Variants in SPECC1L observed in about 807,000 individuals in gnomAD.
SPECC1L encodes the protein sperm antigen with calponin homology and coiled-coil domains 1 like, also known as cytospin-A.
Under a neutral mutation model 116.8 loss-of-function variants are expected in SPECC1L, and 40 were observed. The observed-to-expected ratio is 0.34, with a 90% CI of 0.27 to 0.45. The LOEUF (loss-of-function observed/expected upper bound fraction) is 0.45. Among genes scored for constraint, SPECC1L ranks in the 20% least tolerant of loss-of-function variants. The pLI, the probability that SPECC1L is intolerant of heterozygous loss-of-function variation, is 1.00. For missense variants in SPECC1L, 1,110 were observed against 1,373.6 expected (o/e 0.81, Z 3.03); for synonymous variants, 504 against 500.6 (o/e 1.01, Z -0.09).
chr22:24,377,006 G>A (rs1410499102), intron 14 of SPECC1L, among the ~76,000 whole-genome samples: 1 of 151,762 alleles, frequency 6.6e-6, no homozygotes, highest in Non-Finnish European at 1.5e-5. Context: ...ATACCCATTA[G>A]CATTCATTCT....
chr22:24,333,120 C>T (rs898748665), intron 8 of SPECC1L, among the ~76,000 whole-genome samples: 2 of 152,026 alleles, frequency 1.3e-5, no homozygotes, highest in African/African-American at 2.4e-5. Flanking sequence ...CCCAGCTACT[C>T]GGGAGACTGA....
At position 24,277,688 on chromosome 22, in the gene SPECC1L, G is replaced by A. The variant is rs998913821; in HGVS notation, c.-38+885G>A. On this transcript the variant is annotated intron_variant, in intron 2 of 16. Coordinates refer to ENST00000314328, the MANE Select transcript of SPECC1L (RefSeq NM_015330.6). ...CAAAATGTTATCAAGGTCTGTCCCT[G>A]TTGTAGCATGTATTAGCACTTCATT... 3.3e-5 allele frequency among the ~76,000 whole-genome samples: 5 copies of A among 152,202 alleles called. No individual in the cohort carries two copies. In the East Asian group the frequency reaches 9.6e-4, roughly 29 times the overall value.
Position 24,324,240 on chromosome 22 carries a change from C to T in SPECC1L, c.1959C>T (p.Ala653=), listed in dbSNP as rs200829994. Residue 653 remains alanine, a synonymous_variant, in exon 6 of 17, where the codon GCC becomes GCT. Transcript: ENST00000314328. ...CGTAGGTAGAGGATGAATACCGAGC[C>T]TTCCAAGAAGAAGCTAAGAAACAAA... ...AIAKVEDEYR[A]FQEEAKKQIE... The T allele has an allele frequency of 1.2e-6, 2 of 1,613,778 alleles. No individual in the cohort carries two copies. The highest frequency in any genetic ancestry group is 1.3e-5 in the African/African-American group (1 of 74,900).
At chr22:24,369,407 AATG>A (rs1380121488) in intron 14 of SPECC1L, 87 bp downstream of exon 14, 1 of 962,158 alleles carries the variant, frequency 1.0e-6, no homozygotes, top group Middle Eastern at 2.1e-4. Flanking sequence ...ACACATTAGA[AATG>A]ATAAGTCCTG....
At chr22:24,340,676 G>A (rs953345376) in intron 10 of SPECC1L, among the ~76,000 whole-genome samples, 6 of 152,112 alleles carry the variant, frequency 3.9e-5, no homozygotes, top group South Asian at 2.1e-4. Flanking sequence ...ATACTTATGA[G>A]CTACATTCAG....
intron 11 of SPECC1L, among the ~76,000 whole-genome samples, chr22:24,361,671 C>T (rs2041647136): frequency 6.6e-6 from 1 of 152,028 alleles, no homozygotes; most frequent in African/African-American, 2.4e-5. Flanking sequence ...TGGCTCACAC[C>T]TGTAGTCCCA....
rs989588080 is a variant in SPECC1L at position 24,329,019 on chromosome 22, C to T, written c.2220+100C>T. On this transcript the variant is annotated intron_variant, in intron 7 of 16. Coordinates refer to ENST00000314328, the MANE Select transcript of SPECC1L (RefSeq NM_015330.6). ...TATCATTCATCTTAAGTTTTGGATACAGTGATAATACTGGCCCCATTGGGC... is the reference window on the plus strand; with the variant it reads ...TATCATTCATCTTAAGTTTTGGATATAGTGATAATACTGGCCCCATTGGGC... 70 of 903,876 alleles carry T rather than the reference C, an allele frequency of 7.7e-5. 1 individual carries two copies. The highest frequency in any genetic ancestry group is 7.0e-5 in the South Asian group (5 of 71,774). 56.0% of individuals were successfully genotyped at this position (903,876 alleles called of 1,614,324 possible). A position where few individuals can be genotyped will look rare whatever the true frequency, so the allele number is the denominator to read the frequency against.
At chr22:24,272,010 G>A (rs2048736706) in intron 1 of SPECC1L, among the ~76,000 whole-genome samples, 1 of 152,222 alleles carries the variant, frequency 6.6e-6, no homozygotes, top group Non-Finnish European at 1.5e-5. Context: ...ATTTCTGGTG[G>A]CTTCAGGGAG....
intron 11 of SPECC1L, among the ~76,000 whole-genome samples, chr22:24,347,876 A>G (rs1163492756): frequency 1.3e-5 from 2 of 152,114 alleles, no homozygotes; most frequent in Non-Finnish European, 2.9e-5. Context: ...GGGTTTCACC[A>G]TGTTAGCCAT....
intron 4 of SPECC1L, among the ~76,000 whole-genome samples, chr22:24,313,778 A>C (rs2040505728): frequency 6.8e-6 from 1 of 146,294 alleles, no homozygotes; most frequent in Non-Finnish European, 1.5e-5. Context: ...AGTCTTAGTC[A>C]CGCAGGCTGA....
intron 11 of SPECC1L, among the ~76,000 whole-genome samples, chr22:24,356,209 G>A (rs1176961514): frequency 6.6e-6 from 1 of 151,824 alleles, no homozygotes; most frequent in African/African-American, 2.4e-5. Flanking sequence ...TTCAAGTCTG[G>A]GTCTTCTGTA....
chr22:24,395,218 A>C (rs952732410), intron 14 of SPECC1L, among the ~76,000 whole-genome samples: 1 of 152,248 alleles, frequency 6.6e-6, no homozygotes, highest in Non-Finnish European at 1.5e-5. Context: ...AAATGTTTGC[A>C]TAACCCAAGA....
intron 10 of SPECC1L, among the ~76,000 whole-genome samples, chr22:24,346,099 C>T (rs1027247428): frequency 5.9e-5 from 9 of 151,702 alleles, no homozygotes; most frequent in Admixed American, 2.0e-4. Flanking sequence ...CTCCGCCTCT[C>T]GGCTTCAAGT....
rs1451944688 is a variant in SPECC1L, at chr22:24,414,818, C to T, written c.*195C>T. The T allele has an allele frequency of 4.9e-6, 3 of 609,050 alleles. No individual in the cohort carries two copies. Among genetic ancestry groups the T allele is most frequent in the East Asian group, 5.7e-5 (2 of 35,222 alleles). The allele number at this position is 609,050 out of a possible 1,614,324, so 37.7% of individuals were successfully genotyped here. The stretch of plus-strand genomic sequence containing the variant: ...GCCCACAGCTCCCACCAGGGCCCCT[C>T]CCACATGACCCGTCCATTCAGGTCA... On this transcript the variant is annotated 3_prime_UTR_variant, in exon 17 of 17. Coordinates refer to ENST00000314328, the MANE Select transcript of SPECC1L (RefSeq NM_015330.6).
At chr22:24,306,086 T>C (rs1225080659) in intron 3 of SPECC1L, among the ~76,000 whole-genome samples, 29 of 152,160 alleles carry the variant, frequency 1.9e-4, no homozygotes, top group Admixed American at 1.9e-3. Flanking sequence ...TTTGTATTTT[T>C]AGTAGAGACG....
chr22:24,407,236 T>A (rs573020150), intron 14 of SPECC1L, among the ~76,000 whole-genome samples: 1 of 152,342 alleles, frequency 6.6e-6, no homozygotes, highest in African/African-American at 2.4e-5. Flanking sequence ...TACTCAAATG[T>A]GAACTTCCTC....
intron 11 of SPECC1L, among the ~76,000 whole-genome samples, chr22:24,349,564 T>C (rs1203701983): frequency 1.3e-5 from 2 of 152,218 alleles, no homozygotes; most frequent in African/African-American, 4.8e-5. Flanking sequence ...CATTTTGATA[T>C]TGAATATTCT....
At chr22:24,317,255 C>CG (rs1324029637) in intron 4 of SPECC1L, among the ~76,000 whole-genome samples, 3 of 96,336 alleles carry the variant, frequency 3.1e-5, no homozygotes, top group Non-Finnish European at 4.4e-5. Flanking sequence ...GCTGGCCGGG[C>CG]GGGGGGCTGA....
Position 24,414,886 on chromosome 22 carries a change from T to G in SPECC1L, c.*263T>G, listed in dbSNP as rs2146833927. 5.8e-6 allele frequency: 3 copies of G among 516,704 alleles called. No individual in the cohort carries two copies. The South Asian group carries it at 6.2e-5, about 11-fold the overall frequency. The allele number at this position is 516,704 out of a possible 1,614,324, so 32.0% of individuals were successfully genotyped here. On this transcript the variant is annotated 3_prime_UTR_variant, in exon 17 of 17. Coordinates refer to ENST00000314328, the MANE Select transcript of SPECC1L (RefSeq NM_015330.6). ...TCCTGCAGGCCGGTGGCTGCTGGAG[T>G]TTTCCTTCTGAAGAGAATATTGAAC...
Sources: allele counts gnomAD v4.1 joint callset (sites outside exome capture counted in the v4.1 genomes callset), GRCh38; gene constraint gnomAD v4.1.1; transcripts MANE v1.5; gene names NCBI Gene and HGNC (gene_info 2026-07-23, HGNC 2026-07-21).